Variants in NDUFS8 observed in about 807,000 individuals in gnomAD.
NDUFS8 encodes the protein NADH:ubiquinone oxidoreductase core subunit S8.
A neutral mutation model predicts 25.6 loss-of-function variants in NDUFS8; 13 were observed. The ratio of observed to expected loss-of-function variants is 0.51; its 90% CI spans 0.33 to 0.81. The LOEUF (loss-of-function observed/expected upper bound fraction) is 0.81. Ranked by LOEUF, NDUFS8 falls within the 30% of genes least tolerant of loss-of-function variation. The pLI, the probability that NDUFS8 is intolerant of heterozygous loss-of-function variation, is 0.02. For missense variants in NDUFS8, 257 were observed against 300.9 expected, an observed-to-expected ratio of 0.85 and a Z score of 1.08; for synonymous variants, 119 against 119.4, an observed-to-expected ratio of 1.00 and a Z score of 0.02.
chr11:68,031,510 C>A (rs1233008880), intron 1 of NDUFS8: 1 of 167,986 alleles, frequency 6.0e-6, no homozygotes, highest in Non-Finnish European at 1.3e-5. Flanking sequence ...CCACACCTGG[C>A]TAATTTCTGT....
chr11:68,030,915 C>T lies in NDUFS8; in HGVS notation c.-1+182C>T, dbSNP rs7949541. The T allele has an allele frequency of 4.9e-3, 1,884 of 382,894 alleles. 22 individuals carry two copies. Among genetic ancestry groups the T allele is most frequent in the African/African-American group, 0.044 (1,723 of 39,162 alleles). The allele number at this position is 382,894 out of a possible 1,614,324, so 23.7% of individuals were successfully genotyped here. A position where few individuals can be genotyped will look rare whatever the true frequency, so the allele number is the denominator to read the frequency against. On this transcript the variant is annotated intron_variant, in intron 1 of 6. Transcript: ENST00000313468. ...GCCGGCTCTCAGGGCGCATGCGCCG[C>T]CCGCTCTGCGCCACCGGCCTAGTTA...
rs751553766 is a variant in NDUFS8 at position 68,036,561 on chromosome 11, G to A, written c.601G>A (p.Ala201Thr). ...GGACAAGTGGGAGGCCGAGATCGCC[G>A]CCAACATCCAGGCTGACTACTTGTA... ...NGDKWEAEIA[A>T]NIQADYLYR Residue 201 changes from alanine to threonine, a missense_variant, in exon 7 of 7, where the codon GCC becomes ACC. By Grantham distance (58) the Ala-to-Thr change is moderately conservative. Coordinates refer to ENST00000313468, the MANE Select transcript of NDUFS8 (RefSeq NM_002496.4). The A allele has an allele frequency of 3.3e-5, 53 of 1,613,888 alleles. No homozygotes were observed. Among genetic ancestry groups the A allele is most frequent in the Middle Eastern group, 3.3e-4 (2 of 6,052 alleles).
At chr11:68,033,425 T>C in intron 5 of NDUFS8, 142 bp downstream of exon 5, 1 of 957,800 alleles carries the variant, frequency 1.0e-6, no homozygotes. Context: ...ACTTCCCTCG[T>C]GAATGGGAAT....
rs201815115 is a variant in NDUFS8 at position 68,036,637 on chromosome 11, C to T, written c.*44C>T. The T allele has an allele frequency of 1.9e-4, 300 of 1,611,392 alleles. 2 individuals carry two copies. Among genetic ancestry groups the T allele is most frequent in the East Asian group, 1.4e-3 (64 of 44,860 alleles). On this transcript the variant is annotated 3_prime_UTR_variant, in exon 7 of 7. Coordinates refer to ENST00000313468, the MANE Select transcript of NDUFS8 (RefSeq NM_002496.4). ...CCCCTGCTGCCCAATAAAACCACTC[C>T]GACCCCACGGCCTCTTGTCTTGACT...
chr11:68,036,215 CAG>C (rs1421141775), intron 5 of NDUFS8, 36 bp from the exon 6 acceptor site: 54 of 1,611,170 alleles, frequency 3.4e-5, no homozygotes, highest in Non-Finnish European at 4.6e-5. Flanking sequence ...TGGGATGTGA[CAG>C]GGCAGCGTGG....
rs1245687206 is a variant in NDUFS8 at position 68,032,903 on chromosome 11, C to G, written c.110-20C>G. The G allele has an allele frequency of 1.2e-6, 2 of 1,612,996 alleles. No individual in the cohort carries two copies. The highest frequency in any genetic ancestry group is 1.7e-6 in the Non-Finnish European group (2 of 1,179,648). ...TGTGTGAGGCCTCTTGCCATGGCCT[C>G]CCTGCCCGCCTCTCTGCAGAGTATG... On this transcript the variant is annotated intron_variant, in intron 3 of 6. Transcript: ENST00000313468.
chr11:68,032,195 A>C lies in NDUFS8; in HGVS notation c.44A>C (p.Gln15Pro). The change falls in exon 2 of 7, where the codon CAG (glutamine) becomes CCG (proline). Residue 15 changes from glutamine (Q) to proline (P), a missense_variant. Coordinates refer to ENST00000313468, the MANE Select transcript of NDUFS8 (RefSeq NM_002496.4). ...CCTATGCTGCTGCGGGCCCTGGCCCAGGCTGCACGTGCAGGTAGGACCAAA... is the reference window on the plus strand; with the variant it reads ...CCTATGCTGCTGCGGGCCCTGGCCCCGGCTGCACGTGCAGGTAGGACCAAA... ...TTPMLLRALAQAARAGPPGGR... is the reference protein window; with the variant it reads ...TTPMLLRALAPAARAGPPGGR... 6.2e-7 allele frequency: 1 copy of C among 1,613,192 alleles called. No homozygotes were observed. The highest frequency in any genetic ancestry group is 8.5e-7 in the Non-Finnish European group (1 of 1,180,016).
At position 68,032,210 on chromosome 11, in the gene NDUFS8, G is replaced by A. The variant is rs1477102306; in HGVS notation, c.58+1G>A. ...GCCCTGGCCCAGGCTGCACGTGCAGGTAGGACCAAAGAAGCCTTTGCTGGG... is the reference window on the plus strand; with the variant it reads ...GCCCTGGCCCAGGCTGCACGTGCAGATAGGACCAAAGAAGCCTTTGCTGGG... On this transcript the variant is annotated splice_donor_variant, in intron 2 of 6. Coordinates refer to ENST00000313468, the MANE Select transcript of NDUFS8 (RefSeq NM_002496.4). LOFTEE classifies it high-confidence loss of function. 1 of 1,613,524 alleles carries A rather than the reference G, an allele frequency of 6.2e-7. No homozygotes were observed. The highest frequency in any genetic ancestry group is 1.1e-5 in the South Asian group (1 of 91,044).
At chr11:68,032,383 T>C (rs371837015) in intron 3 of NDUFS8, 47 bp downstream of exon 3, 118 of 1,612,502 alleles carry the variant, frequency 7.3e-5, no homozygotes, top group South Asian at 2.7e-4. Context: ...TGACTGGTCC[T>C]GCTGGAGTAG....
rs1316866511 is a variant in NDUFS8, at chr11:68,032,778, G to T, written c.110-145G>T. 3 of 902,224 alleles carry T rather than the reference G, an allele frequency of 3.3e-6. No individual in the cohort carries two copies. The East Asian group carries it at 7.9e-5, about 24-fold the overall frequency. The allele number at this position is 902,224 out of a possible 1,614,324, so 55.9% of individuals were successfully genotyped here. ...GGCGGCCTCCAGGGTCCTTGCTGAG[G>T]CTGGGGAGAGGTGTGGTGAGTGTAC... is the stretch of plus-strand genomic sequence containing the variant. On this transcript the variant is annotated intron_variant, in intron 3 of 6. Coordinates refer to ENST00000313468, the MANE Select transcript of NDUFS8 (RefSeq NM_002496.4).
chr11:68,032,674 G>C (rs1854794340), intron 3 of NDUFS8: 3 of 866,888 alleles, frequency 3.5e-6, no homozygotes, highest in Middle Eastern at 3.5e-4. Flanking sequence ...TTCAAGCCCT[G>C]TTGGGCAGGG....
At chr11:68,031,811 T>G in intron 1 of NDUFS8, 4 of 419,056 alleles carry the variant, frequency 9.5e-6, no homozygotes, top group East Asian at 5.2e-5. Flanking sequence ...GGGCTGGTAA[T>G]GTTGTTTTTG....
At position 68,036,633 on chromosome 11, in the gene NDUFS8, A is replaced by G. The variant is rs61329983; in HGVS notation, c.*40A>G. On this transcript the variant is annotated 3_prime_UTR_variant, in exon 7 of 7. Coordinates refer to ENST00000313468, the MANE Select transcript of NDUFS8 (RefSeq NM_002496.4). ...GCAGCCCCTGCTGCCCAATAAAACCACTCCGACCCCACGGCCTCTTGTCTT... is the reference window on the plus strand; with the variant it reads ...GCAGCCCCTGCTGCCCAATAAAACCGCTCCGACCCCACGGCCTCTTGTCTT... 6,768 of 1,611,098 alleles carry G rather than the reference A, an allele frequency of 4.2e-3. 223 individuals carry two copies. In the African/African-American group the frequency reaches 0.078, roughly 19 times the overall value.
intron 1 of NDUFS8, 91 bp from the exon 2 acceptor site, chr11:68,032,061 T>G: frequency 6.3e-7 from 1 of 1,585,812 alleles, no homozygotes; most frequent in Non-Finnish European, 8.6e-7. Context: ...GTGACACATG[T>G]CAGTGGAGAC....
intron 1 of NDUFS8, among the ~76,000 whole-genome samples, chr11:68,031,355 T>G (rs772852876): frequency 2.0e-5 from 3 of 152,192 alleles, no homozygotes; most frequent in Non-Finnish European, 4.4e-5. Flanking sequence ...CACTTTTTTA[T>G]CTTTTTTTTG....
rs375157825 is a variant in NDUFS8 at position 68,036,336 on chromosome 11, C to T, written c.456C>T (p.Tyr152=). 20 of 1,612,746 alleles carry T rather than the reference C, an allele frequency of 1.2e-5. 1 individual carries two copies. Among genetic ancestry groups the T allele is most frequent in the Admixed American group, 6.7e-5 (4 of 59,698 alleles). Residue 152 remains tyrosine, a synonymous_variant, in exon 6 of 7, where the codon TAC becomes TAT. Transcript: ENST00000313468. ...RYDIDMTKCI[Y]CGFCQEACPV... ...ACATCGACATGACCAAGTGCATCTACTGCGGCTTCTGCCAGGAGGCCTGTC... is the reference window on the plus strand; with the variant it reads ...ACATCGACATGACCAAGTGCATCTATTGCGGCTTCTGCCAGGAGGCCTGTC...
intron 3 of NDUFS8, chr11:68,032,645 T>G: frequency 8.2e-6 from 8 of 973,252 alleles, no homozygotes; most frequent in Non-Finnish European, 1.0e-5. Context: ...GCCCCCCACC[T>G]ACCCCCCTTG....
chr11:68,032,339 GA>G lies in NDUFS8; in HGVS notation c.109+4del. The stretch of plus-strand genomic sequence containing the variant: ...CAGTGCAGTGGCAGCCACCTACAGT[GA>G]GTACCTGGGTGGCCTCTAGCCTCAG... On this transcript the variant is annotated splice_donor_region_variant and intron_variant, in intron 3 of 6. Transcript: ENST00000313468. The G allele has an allele frequency of 6.2e-7, 1 of 1,613,226 alleles. No individual in the cohort carries two copies. Among genetic ancestry groups the G allele is most frequent in the Non-Finnish European group, 8.5e-7 (1 of 1,180,014 alleles).
intron 3 of NDUFS8, 21 bp downstream of exon 3, chr11:68,032,357 T>TA: frequency 6.2e-7 from 1 of 1,613,118 alleles, no homozygotes; most frequent in Non-Finnish European, 8.5e-7. Flanking sequence ...GGGTGGCCTC[T>TA]AGCCTCAGGT....
Sources: gnomAD v4.1 joint callset for allele counts (sites outside exome capture counted in the v4.1 genomes callset) on GRCh38, gnomAD v4.1.1 for gene constraint, MANE v1.5 for transcripts, NCBI Gene and HGNC (gene_info 2026-07-23, HGNC 2026-07-21) for gene names.